The following IFT52 variants were observed in gnomAD, a reference collection of about 807,000 sequenced individuals.
IFT52 encodes intraflagellar transport 52.
IFT52 carries 44 observed loss-of-function variants against 54.4 expected under a neutral mutation model. That is an observed-to-expected ratio of 0.81 (90% CI 0.63 to 1.04). The LOEUF is 1.04. Among genes scored for constraint, IFT52 ranks in the 50% least tolerant of loss-of-function variants. The pLI is 0.00. For missense variants in IFT52, 452 were observed against 523.6 expected (o/e 0.86, Z 1.33); for synonymous variants, 181 against 185.3 (o/e 0.98, Z 0.19).
intron 6 of IFT52, among the ~76,000 whole-genome samples, chr20:43,610,021 C>T (rs981476600): frequency 6.6e-6 from 1 of 151,272 alleles, no homozygotes; most frequent in African/African-American, 2.4e-5. Context: ...TAAAGAAGCC[C>T]AGGTACGATG....
intron 3 of IFT52, among the ~76,000 whole-genome samples, chr20:43,601,788 G>A (rs1427666558): frequency 6.6e-6 from 1 of 152,160 alleles, no homozygotes; most frequent in Non-Finnish European, 1.5e-5. Flanking sequence ...GAGTTTGAGA[G>A]GAAATCAAAA....
At chr20:43,634,256 A>G (rs1004555764) in intron 10 of IFT52, among the ~76,000 whole-genome samples, 1 of 152,174 alleles carries the variant, frequency 6.6e-6, no homozygotes, top group African/African-American at 2.4e-5. Flanking sequence ...TAAAGCACAT[A>G]ATACTTTAAA....
At chr20:43,631,836 G>T (rs1985191524) in intron 10 of IFT52, among the ~76,000 whole-genome samples, 1 of 151,806 alleles carries the variant, frequency 6.6e-6, no homozygotes, top group Non-Finnish European at 1.5e-5. Context: ...ATAACTGCGT[G>T]ACTTCCCGCC....
intron 9 of IFT52, among the ~76,000 whole-genome samples, chr20:43,623,556 G>A (rs1984498083): frequency 6.6e-6 from 1 of 152,166 alleles, no homozygotes; most frequent in Non-Finnish European, 1.5e-5. Flanking sequence ...GTAGACTACG[G>A]AGATGTAGTT....
At chr20:43,625,918 A>C (rs1318161133) in intron 10 of IFT52, among the ~76,000 whole-genome samples, 1 of 149,444 alleles carries the variant, frequency 6.7e-6, no homozygotes, top group Non-Finnish European at 1.5e-5. Flanking sequence ...TAACTCAGGC[A>C]TGAGTTACTT....
At chr20:43,605,855 G>C (rs770907669) in intron 6 of IFT52, among the ~76,000 whole-genome samples, 98 of 152,162 alleles carry the variant, frequency 6.4e-4, no homozygotes, top group Non-Finnish European at 7.2e-4. Flanking sequence ...CTCTGTGTCA[G>C]AACTTAGATG....
intron 10 of IFT52, among the ~76,000 whole-genome samples, chr20:43,635,384 T>C (rs1292396702): frequency 6.6e-6 from 1 of 152,006 alleles, no homozygotes; most frequent in Non-Finnish European, 1.5e-5. Context: ...TCCGCCTCTT[T>C]GGTTCAAGCG....
intron 10 of IFT52, among the ~76,000 whole-genome samples, chr20:43,626,022 G>GAA (rs11403788): frequency 0.067 from 6,434 of 96,422 alleles, 354 homozygotes; most frequent in Middle Eastern, 0.16. Context: ...CTTGTCTCCG[G>GAA]AAAAAAAAAA....
Position 43,604,176 on chromosome 20 carries a change from C to G in IFT52, c.338-7C>G. On this transcript the variant is annotated splice_polypyrimidine_tract_variant and splice_region_variant and intron_variant, in intron 4 of 13. Coordinates refer to ENST00000373030, the MANE Select transcript of IFT52 (RefSeq NM_016004.5). Reference sequence around the variant, plus strand: ...AAAATATACCTCCTTCTCTTTTTCCCTCATAGATGCTGTGGTTAGAAATGT... The same window carrying G: ...AAAATATACCTCCTTCTCTTTTTCCGTCATAGATGCTGTGGTTAGAAATGT... 6.3e-7 allele frequency: 1 copy of G among 1,593,400 alleles called. No individual in the cohort carries two copies. Among genetic ancestry groups the G allele is most frequent in the South Asian group, 1.1e-5 (1 of 90,436 alleles).
chr20:43,601,906 A>G (rs530095042), intron 3 of IFT52, among the ~76,000 whole-genome samples: 9 of 152,254 alleles, frequency 5.9e-5, no homozygotes, highest in Admixed American at 5.2e-4. Context: ...TGTTCCAAAA[A>G]ATGTTTACTA....
At chr20:43,600,506 G>T (rs912150391) in intron 3 of IFT52, among the ~76,000 whole-genome samples, 1 of 151,850 alleles carries the variant, frequency 6.6e-6, no homozygotes, top group Non-Finnish European at 1.5e-5. Context: ...GGGTTTCACC[G>T]TGTTAGCCAG....
rs112082879 is a variant in IFT52 at position 43,643,529 on chromosome 20, G to A, written c.1266+905G>A. Among the ~76,000 whole-genome samples the A allele has an allele frequency of 6.1e-3, 348 of 57,388 alleles. 135 individuals carry two copies. The highest frequency in any genetic ancestry group is 0.017 in the African/African-American group (330 of 19,812). 37.6% of individuals were successfully genotyped at this position (57,388 alleles called of 152,430 possible). ...TAGAGCTGGGTAAGAGGGATCAAGT[G>A]TGCTGAGTGTGGCCATGATGACTGG... On this transcript the variant is annotated intron_variant, in intron 13 of 13. Coordinates refer to ENST00000373030, the MANE Select transcript of IFT52 (RefSeq NM_016004.5).
chr20:43,635,869 A>T, intron 10 of IFT52, 57 bp from the exon 11 acceptor site: 1 of 1,466,836 alleles, frequency 6.8e-7, no homozygotes, highest in Non-Finnish European at 9.5e-7. Flanking sequence ...GTGGTCAGTT[A>T]GACGTGCTGA....
intron 3 of IFT52, among the ~76,000 whole-genome samples, chr20:43,600,824 A>T (rs1349095799): frequency 6.6e-6 from 1 of 151,992 alleles, no homozygotes; most frequent in Admixed American, 6.6e-5. Context: ...TACAAAAATT[A>T]GCCAGGTGTG....
intron 9 of IFT52, among the ~76,000 whole-genome samples, chr20:43,623,415 G>A (rs1188576833): frequency 1.3e-5 from 2 of 152,090 alleles, no homozygotes; most frequent in Admixed American, 1.3e-4. Context: ...TCCAACTCCT[G>A]GGCTCAAGCG....
At chr20:43,631,924 CTTT>C (rs561193928) in intron 10 of IFT52, among the ~76,000 whole-genome samples, 9 of 137,658 alleles carry the variant, frequency 6.5e-5, no homozygotes, top group Admixed American at 1.5e-4. Flanking sequence ...TCTGATTTGT[CTTT>C]TTTTTTTTTT....
chr20:43,629,591 C>CA (rs1985020275), intron 10 of IFT52, among the ~76,000 whole-genome samples: 1 of 152,084 alleles, frequency 6.6e-6, no homozygotes, highest in Non-Finnish European at 1.5e-5. Flanking sequence ...GTTTTACAGA[C>CA]ATTGAACCCC....
Position 43,596,492 on chromosome 20 carries a change from T to G in IFT52, c.177T>G (p.Ala59=). Residue 59 remains alanine, a synonymous_variant, in exon 3 of 14, where the codon GCT becomes GCG. Coordinates refer to ENST00000373030, the MANE Select transcript of IFT52 (RefSeq NM_016004.5). ...KLNGVKLWIT[A]GPREKFTAAE... ...ATGGAGTGAAACTGTGGATTACAGC[T>G]GGGCCAAGGGAAAAATTTACTGCAG... The G allele has an allele frequency of 6.2e-7, 1 of 1,607,424 alleles. No homozygotes were observed. Among genetic ancestry groups the G allele is most frequent in the Non-Finnish European group, 8.5e-7 (1 of 1,174,910 alleles).
At chr20:43,595,561 AC>A (rs1344077209) in intron 2 of IFT52, among the ~76,000 whole-genome samples, 3 of 152,004 alleles carry the variant, frequency 2.0e-5, no homozygotes, top group Admixed American at 6.6e-5. Context: ...AAATAAAAAA[AC>A]ATTATTCAGA....
Sources: allele counts gnomAD v4.1 joint callset (sites outside exome capture counted in the v4.1 genomes callset), GRCh38; gene constraint gnomAD v4.1.1; transcripts MANE v1.5; gene names NCBI Gene and HGNC (gene_info 2026-07-23, HGNC 2026-07-21).